The following STXBP5L variants were observed in gnomAD, a reference collection of about 807,000 sequenced individuals.
The protein encoded by STXBP5L is syntaxin-binding protein 5-like.
A neutral mutation model predicts 144.5 loss-of-function variants in STXBP5L; 65 were observed. The observed-to-expected ratio is 0.45, with a 90% CI of 0.37 to 0.55. The LOEUF (loss-of-function observed/expected upper bound fraction) is 0.55. STXBP5L is among the 20% of genes least tolerant of loss of function. The probability of loss-of-function intolerance (pLI) is 0.00; values close to 1 mark genes in which losing one functional copy is unlikely to be tolerated. For synonymous variants in STXBP5L, 505 were observed against 469.6 expected, an observed-to-expected ratio of 1.08 and a Z score of -0.97; for missense variants, 1,298 against 1,405.5, an observed-to-expected ratio of 0.92 and a Z score of 1.22.
intron 5 of STXBP5L, chr3:121,099,141 A>C (rs907211202): frequency 2.2e-4 from 33 of 152,210 alleles, no homozygotes; most frequent in African/African-American, 7.7e-4. Flanking sequence ...TGGCTTCCTT[A>C]CCAGGGAACC....
intron 5 of STXBP5L, among the ~76,000 whole-genome samples, chr3:121,073,918 GC>G (rs2041913622): frequency 6.6e-6 from 1 of 152,136 alleles, no homozygotes; most frequent in African/African-American, 2.4e-5. Flanking sequence ...AAGATATCTT[GC>G]CCTTTGGCCA....
At chr3:120,940,183 C>T (rs189396120) in intron 2 of STXBP5L, among the ~76,000 whole-genome samples, 53 of 151,962 alleles carry the variant, frequency 3.5e-4, no homozygotes, top group African/African-American at 1.2e-3. Context: ...AAAATAGATT[C>T]AACAAAAGAT....
intron 9 of STXBP5L, among the ~76,000 whole-genome samples, chr3:121,186,509 G>T (rs752875551): frequency 6.6e-5 from 10 of 152,144 alleles, no homozygotes; most frequent in Non-Finnish European, 1.5e-4. Context: ...ATGAAGCATT[G>T]TTGAATTTTG....
intron 9 of STXBP5L, among the ~76,000 whole-genome samples, chr3:121,193,649 A>G (rs149555553): frequency 6.6e-6 from 1 of 152,340 alleles, no homozygotes; most frequent in Non-Finnish European, 1.5e-5. Context: ...GCCATAAAAA[A>G]GGATGAGTCC....
rs547730304 is a variant in STXBP5L, at chr3:121,270,374, C to G, written c.1959-9431C>G. Among the ~76,000 whole-genome samples, 43 of 151,914 alleles carry G rather than the reference C, an allele frequency of 2.8e-4. No individual in the cohort carries two copies. In the Middle Eastern group the frequency reaches 0.014, roughly 48 times the overall value. ...AATAATGTCATTTATATTGTCTATT[C>G]ACAGAACAGAATCAAATCCAGGATC... On this transcript the variant is annotated intron_variant, in intron 18 of 26. Transcript: ENST00000471454.
chr3:121,000,065 G>C (rs1008238896), intron 3 of STXBP5L, among the ~76,000 whole-genome samples: 1 of 152,072 alleles, frequency 6.6e-6, no homozygotes. Context: ...TTGAGCTTGG[G>C]GAATCTGATG....
intron 5 of STXBP5L, among the ~76,000 whole-genome samples, chr3:121,075,946 T>C (rs1431145891): frequency 6.6e-6 from 1 of 152,222 alleles, no homozygotes; most frequent in Non-Finnish European, 1.5e-5. Flanking sequence ...CAGAAGAAGT[T>C]GTTTGCAATC....
intron 5 of STXBP5L, among the ~76,000 whole-genome samples, chr3:121,087,760 C>A (rs1014680139): frequency 4.6e-5 from 7 of 151,664 alleles, no homozygotes; most frequent in Admixed American, 3.3e-4. Flanking sequence ...CCTTGCCTTT[C>A]TGTGGTTTAA....
intron 20 of STXBP5L, chr3:121,324,648 C>T (rs2044085402): frequency 1.6e-6 from 1 of 622,318 alleles, no homozygotes; most frequent in Non-Finnish European, 2.8e-6. Flanking sequence ...ATTTTCTAGG[C>T]TTCACAACTT....
chr3:121,386,754 G>A (rs371846439), intron 22 of STXBP5L, among the ~76,000 whole-genome samples: 10 of 152,096 alleles, frequency 6.6e-5, no homozygotes, highest in South Asian at 4.1e-4. Flanking sequence ...TTATGGCTGC[G>A]TAGTATTACA....
intron 5 of STXBP5L, among the ~76,000 whole-genome samples, chr3:121,078,105 G>T (rs1021635120): frequency 1.3e-5 from 2 of 150,660 alleles, no homozygotes; most frequent in African/African-American, 4.9e-5. Flanking sequence ...TAGACACAAA[G>T]GTTCTCCAAG....
intron 3 of STXBP5L, among the ~76,000 whole-genome samples, chr3:120,986,028 A>G (rs1248479389): frequency 2.0e-5 from 3 of 151,950 alleles, no homozygotes; most frequent in Non-Finnish European, 4.4e-5. Flanking sequence ...CTTTTTTAAA[A>G]AGTAAACTAA....
chr3:121,177,524 C>CA (rs2046983009), intron 9 of STXBP5L, among the ~76,000 whole-genome samples: 1 of 152,078 alleles, frequency 6.6e-6, no homozygotes, highest in South Asian at 2.1e-4. Flanking sequence ...TCAACATCAC[C>CA]AATCATTAGG....
chr3:121,390,812 T>C (rs2046564217), intron 22 of STXBP5L, among the ~76,000 whole-genome samples: 1 of 152,138 alleles, frequency 6.6e-6, no homozygotes, highest in Admixed American at 6.5e-5. Flanking sequence ...TGGCTGCCCT[T>C]AACATTTTTT....
rs1249750304 is a variant in STXBP5L, at chr3:121,423,448, G to A, written c.*4351G>A. On this transcript the variant is annotated 3_prime_UTR_variant, in exon 27 of 27. Coordinates refer to ENST00000471454, the MANE Select transcript of STXBP5L (RefSeq NM_001308330.2). ...GGTAAGGTCTGTCTTAGAAAAGGAG[G>A]AGGAAGTACCAATTTGGTGCAAGAA... 6.6e-5 allele frequency: 10 copies of A among 152,240 alleles called. No individual in the cohort carries two copies. Among genetic ancestry groups the A allele is most frequent in the African/African-American group, 2.4e-4 (10 of 41,458 alleles). The allele number at this position is 152,240 out of a possible 1,614,324, so 9.4% of individuals were successfully genotyped here.
At position 121,045,541 on chromosome 3, in the gene STXBP5L, A is replaced by T; in HGVS notation, c.470+6A>T. Reference sequence around the variant, plus strand: ...CTTAAATTTAACCGGGAACGGTAAGAACCTATGAATTAAACAATTTCTTAA... The same window carrying T: ...CTTAAATTTAACCGGGAACGGTAAGTACCTATGAATTAAACAATTTCTTAA... On this transcript the variant is annotated splice_donor_region_variant and intron_variant, in intron 5 of 26. Coordinates refer to ENST00000471454, the MANE Select transcript of STXBP5L (RefSeq NM_001308330.2). 6.2e-7 allele frequency: 1 copy of T among 1,604,604 alleles called. No homozygotes were observed. Among genetic ancestry groups the T allele is most frequent in the Non-Finnish European group, 8.5e-7 (1 of 1,176,854 alleles).
intron 20 of STXBP5L, among the ~76,000 whole-genome samples, chr3:121,343,737 G>C (rs1053869555): frequency 6.6e-6 from 1 of 152,018 alleles, no homozygotes; most frequent in African/African-American, 2.4e-5. Context: ...CACTGCTCAA[G>C]GAAATAAAAG....
chr3:121,313,341 G>A (rs1459256878), intron 19 of STXBP5L, among the ~76,000 whole-genome samples: 1 of 138,360 alleles, frequency 7.2e-6, no homozygotes, highest in East Asian at 2.2e-4. Flanking sequence ...GCCGGGCGGG[G>A]GGCTGACCCC....
chr3:121,137,516 A>G (rs1456541173), intron 7 of STXBP5L, among the ~76,000 whole-genome samples: 1 of 152,206 alleles, frequency 6.6e-6, no homozygotes, highest in East Asian at 1.9e-4. Flanking sequence ...CCTGATGAAC[A>G]TAGATGCAAA....
Sources: gnomAD v4.1 joint callset for allele counts (sites outside exome capture counted in the v4.1 genomes callset) on GRCh38, gnomAD v4.1.1 for gene constraint, MANE v1.5 for transcripts, NCBI Gene and HGNC (gene_info 2026-07-23, HGNC 2026-07-21) for gene names.